Variants in CARMIL1 observed in about 807,000 individuals in gnomAD.
CARMIL1 encodes the protein F-actin-uncapping protein LRRC16A.
CARMIL1 carries 90 observed loss-of-function variants against 177.1 expected under a neutral mutation model. The ratio of observed to expected loss-of-function variants is 0.51; its 90% CI spans 0.43 to 0.61. CARMIL1 has a LOEUF of 0.61. Ranked by LOEUF, CARMIL1 falls within the 20% of genes least tolerant of loss-of-function variation. CARMIL1 has a pLI of 0.00. For synonymous variants in CARMIL1, 577 were observed against 606.2 expected, an observed-to-expected ratio of 0.95 and a Z score of 0.71; for missense variants, 1,380 against 1,667.0, an observed-to-expected ratio of 0.83 and a Z score of 3.00.
chr6:25,397,238 TC>T (rs2150565423), intron 2 of CARMIL1, among the ~76,000 whole-genome samples: 1 of 152,272 alleles, frequency 6.6e-6, no homozygotes, highest in East Asian at 1.9e-4. Flanking sequence ...ACCCTTTATT[TC>T]CCCAACTCCA....
At chr6:25,471,111 C>T (rs1801063851) in intron 9 of CARMIL1, 58 bp from the exon 10 acceptor site, 7 of 1,148,544 alleles carry the variant, frequency 6.1e-6, no homozygotes, top group Middle Eastern at 2.0e-4. Context: ...AGATTTATAA[C>T]AATAAAGTTT....
At chr6:25,285,946 A>G (rs1338531250) in intron 2 of CARMIL1, among the ~76,000 whole-genome samples, 2 of 152,180 alleles carry the variant, frequency 1.3e-5, no homozygotes, top group East Asian at 1.9e-4. Flanking sequence ...ATCTTGGCTC[A>G]TTGTAGCCTC....
intron 35 of CARMIL1, among the ~76,000 whole-genome samples, chr6:25,608,260 AAGAG>A (rs1231654644): frequency 1.3e-5 from 2 of 152,200 alleles, no homozygotes; most frequent in Admixed American, 6.5e-5. Context: ...GAGAGAGAAA[AAGAG>A]AGAGAGACCA....
At chr6:25,284,998 T>C in intron 2 of CARMIL1, 89 bp downstream of exon 2, 1 of 788,838 alleles carries the variant, frequency 1.3e-6, no homozygotes, top group Non-Finnish European at 2.1e-6. Flanking sequence ...GCAGCATTAC[T>C]TCTGTGTTTT....
chr6:25,369,379 G>GTTTTTTT (rs5875032), intron 2 of CARMIL1, among the ~76,000 whole-genome samples: 2 of 140,852 alleles, frequency 1.4e-5, no homozygotes, highest in Non-Finnish European at 1.5e-5. Flanking sequence ...GCTGTATTTT[G>GTTTTTTT]TTTTTTTTTT....
intron 35 of CARMIL1, among the ~76,000 whole-genome samples, chr6:25,609,236 G>C (rs947009738): frequency 6.6e-6 from 1 of 152,074 alleles, no homozygotes; most frequent in Non-Finnish European, 1.5e-5. Context: ...GGAGGCTGAG[G>C]CGGGTGGATC....
chr6:25,563,513 A>G, intron 29 of CARMIL1: 1 of 985,466 alleles, frequency 1.0e-6, no homozygotes, highest in Non-Finnish European at 1.2e-6. Context: ...AACATCTGGA[A>G]GAAGGTGGCT....
chr6:25,444,711 T>C (rs1221528723), intron 5 of CARMIL1, among the ~76,000 whole-genome samples: 2 of 152,222 alleles, frequency 1.3e-5, no homozygotes, highest in Non-Finnish European at 2.9e-5. Context: ...ATTCATCCTT[T>C]TTTATGGCAG....
chr6:25,485,528 G>A (rs986257592), intron 12 of CARMIL1, among the ~76,000 whole-genome samples: 38 of 152,328 alleles, frequency 2.5e-4, no homozygotes, highest in African/African-American at 7.7e-4. Context: ...TCCACCTCCA[G>A]GGTTCAAGCG....
At chr6:25,605,760 T>A (rs950341502) in intron 34 of CARMIL1, among the ~76,000 whole-genome samples, 4 of 152,226 alleles carry the variant, frequency 2.6e-5, no homozygotes, top group African/African-American at 7.2e-5. Flanking sequence ...GAACCACTGT[T>A]TTCCTTGTAT....
At chr6:25,388,581 G>A (rs1792418377) in intron 2 of CARMIL1, among the ~76,000 whole-genome samples, 1 of 152,176 alleles carries the variant, frequency 6.6e-6, no homozygotes, top group South Asian at 2.1e-4. Flanking sequence ...GGCCAGGCTG[G>A]TCTCAAACTC....
At chr6:25,523,025 C>G (rs573873659) in intron 23 of CARMIL1, among the ~76,000 whole-genome samples, 2 of 152,186 alleles carry the variant, frequency 1.3e-5, no homozygotes, top group Non-Finnish European at 2.9e-5. Flanking sequence ...TCTCAAACTC[C>G]TGCACTCAAG....
At chr6:25,332,767 ACACACGCG>A (rs1404940272) in intron 2 of CARMIL1, among the ~76,000 whole-genome samples, 184 of 138,460 alleles carry the variant, frequency 1.3e-3, no homozygotes, top group African/African-American at 4.8e-3. Flanking sequence ...ACACACACAC[ACACACGCG>A]CACACACACA....
intron 11 of CARMIL1, among the ~76,000 whole-genome samples, chr6:25,478,121 T>G (rs1194642144): frequency 4.6e-5 from 7 of 152,190 alleles, no homozygotes; most frequent in Non-Finnish European, 4.4e-5. Context: ...AGACACCATT[T>G]AGAATCCTAG....
At chr6:25,394,938 C>A (rs1451595594) in intron 2 of CARMIL1, among the ~76,000 whole-genome samples, 1 of 152,088 alleles carries the variant, frequency 6.6e-6, no homozygotes, top group African/African-American at 2.4e-5. Context: ...ACCCAGGAAA[C>A]CTTAAAATAT....
intron 24 of CARMIL1, among the ~76,000 whole-genome samples, chr6:25,535,721 C>T (rs567817508): frequency 2.6e-5 from 4 of 152,204 alleles, no homozygotes; most frequent in South Asian, 2.1e-4. Context: ...ACTTGAGAGA[C>T]GAATTATGAA....
intron 12 of CARMIL1, among the ~76,000 whole-genome samples, chr6:25,488,004 T>C (rs971242932): frequency 6.6e-6 from 1 of 152,242 alleles, no homozygotes; most frequent in African/African-American, 2.4e-5. Context: ...ATCCAAATGT[T>C]TCCTTGAATG....
intron 2 of CARMIL1, among the ~76,000 whole-genome samples, chr6:25,407,020 C>G (rs1794438617): frequency 6.6e-6 from 1 of 152,012 alleles, no homozygotes; most frequent in Non-Finnish European, 1.5e-5. Flanking sequence ...AGGGCCATGC[C>G]CAGTGCTAAG....
intron 33 of CARMIL1, among the ~76,000 whole-genome samples, chr6:25,603,570 A>G (rs1208351236): frequency 6.6e-6 from 1 of 152,152 alleles, no homozygotes; most frequent in East Asian, 1.9e-4. Context: ...CACAGTTTAA[A>G]GTTAGGAATT....
Sources: allele counts gnomAD v4.1 joint callset (sites outside exome capture counted in the v4.1 genomes callset), GRCh38; gene constraint gnomAD v4.1.1; transcripts MANE v1.5; gene names NCBI Gene and HGNC (gene_info 2026-07-23, HGNC 2026-07-21).